Variants in DOK7 observed in about 807,000 individuals in gnomAD.
DOK7 encodes protein Dok-7.
Under a neutral mutation model 30.7 loss-of-function variants are expected in DOK7, and 32 were observed. That is an observed-to-expected ratio of 1.04 (90% confidence interval 0.79 to 1.40). The LOEUF is 1.40. Among genes scored for constraint, DOK7 ranks in the 40% most tolerant of loss-of-function variants. The probability of loss-of-function intolerance (pLI) is 0.00; values close to 1 mark genes in which losing one functional copy is unlikely to be tolerated. For synonymous variants in DOK7, 447 were observed against 324.1 expected (o/e 1.38, Z -4.07); for missense variants, 1,007 against 699.2 (o/e 1.44, Z -4.97).
At chr4:3,468,841 GTA>G (rs1290154299) in intron 2 of DOK7, among the ~76,000 whole-genome samples, 9 of 150,290 alleles carry the variant, frequency 6.0e-5, no homozygotes, top group Admixed American at 2.7e-4. Flanking sequence ...GTGTGTGCGT[GTA>G]TGTGTGTGCG....
intron 6 of DOK7, among the ~76,000 whole-genome samples, chr4:3,491,574 T>C (rs923475917): frequency 2.0e-5 from 3 of 149,394 alleles, no homozygotes; most frequent in African/African-American, 7.4e-5. Context: ...CCTTCACTTA[T>C]GGTTCCACAT....
Position 3,493,764 on chromosome 4 carries a change from C to A in DOK7, c.*263C>A. 1 of 1,398,284 alleles carries A rather than the reference C, an allele frequency of 7.2e-7. No homozygotes were observed. Among genetic ancestry groups the A allele is most frequent in the Non-Finnish European group, 9.3e-7 (1 of 1,079,668 alleles). 86.6% of individuals were successfully genotyped at this position (1,398,284 alleles called of 1,614,324 possible). A position where few individuals can be genotyped will look rare whatever the true frequency, so the allele number is the denominator to read the frequency against. On this transcript the variant is annotated 3_prime_UTR_variant, in exon 7 of 7. Coordinates refer to ENST00000340083, the MANE Select transcript of DOK7 (RefSeq NM_173660.5). Reference sequence around the variant, plus strand: ...AGCCCCAATGCTCAGCTGCTTCACTCCGTGTCCCCCACCCCTGAGGATCAG... The same window carrying A: ...AGCCCCAATGCTCAGCTGCTTCACTACGTGTCCCCCACCCCTGAGGATCAG...
intron 3 of DOK7, among the ~76,000 whole-genome samples, chr4:3,475,593 C>A (rs1727009291): frequency 6.6e-6 from 1 of 152,144 alleles, no homozygotes; most frequent in Admixed American, 6.5e-5. Context: ...TGGGGGTGCT[C>A]AGGGTTTGGG....
intron 4 of DOK7, chr4:3,484,724 G>A (rs1335754049): frequency 1.0e-6 from 1 of 985,550 alleles, no homozygotes; most frequent in Non-Finnish European, 1.2e-6. Context: ...CCAGGATGCT[G>A]CACACGGCCT....
chr4:3,482,554 C>T (rs1294535757), intron 4 of DOK7, among the ~76,000 whole-genome samples: 3 of 152,220 alleles, frequency 2.0e-5, no homozygotes, highest in Admixed American at 6.5e-5. Flanking sequence ...TGGCTGGCTT[C>T]GATTCCAGGG....
At position 3,493,354 on chromosome 4, in the gene DOK7, GGAGGCCCCCCAGGGCAGC is replaced by G. The variant is rs1437354717; in HGVS notation, c.1375_1392del (p.Pro459_Ala464del). 6.9e-6 allele frequency: 11 copies of G among 1,598,530 alleles called. No individual in the cohort carries two copies. The highest frequency in any genetic ancestry group is 9.4e-6 in the Non-Finnish European group (11 of 1,172,954). On this transcript the variant is annotated inframe_deletion, in exon 7 of 7. Coordinates refer to ENST00000340083, the MANE Select transcript of DOK7 (RefSeq NM_173660.5). ...GCACGAGACGGCGGGGCCTGGTGAT[GGAGGCCCCCCAGGGCAGC>G]GAGGCCACACTGCCTGGCCCTGCCC...
At position 3,492,871 on chromosome 4, in the gene DOK7, A is replaced by G. The variant is rs954062880; in HGVS notation, c.885A>G (p.Ser295=). 10 of 1,607,046 alleles carry G rather than the reference A, an allele frequency of 6.2e-6. No individual in the cohort carries two copies. The highest frequency in any genetic ancestry group is 8.5e-6 in the Non-Finnish European group (10 of 1,178,008). Residue 295 remains serine, a synonymous_variant, in exon 7 of 7, where the codon TCA becomes TCG. Coordinates refer to ENST00000340083, the MANE Select transcript of DOK7 (RefSeq NM_173660.5). ...AATCCTCGTCGTCAGCCAGCACGTCACAGGAGGGGCCTAGACCAGCAGCTG... is the reference window on the plus strand; with the variant it reads ...AATCCTCGTCGTCAGCCAGCACGTCGCAGGAGGGGCCTAGACCAGCAGCTG... ...PEQSSSSAST[S]QEGPRPAAAQ... is the part of the protein sequence containing the mutation.
chr4:3,490,519 TCA>T (rs2109398627), intron 6 of DOK7, among the ~76,000 whole-genome samples: 1 of 112,282 alleles, frequency 8.9e-6, no homozygotes. Context: ...ATTCTTTCCT[TCA>T]CCCCCCCGCT....
intron 6 of DOK7, among the ~76,000 whole-genome samples, chr4:3,490,602 CT>C: frequency 3.5e-5 from 1 of 28,626 alleles, no homozygotes; most frequent in East Asian, 7.3e-4. Context: ...TTCATTTCTT[CT>C]CTCCCTGCTC....
At chr4:3,487,313 G>A (rs1232915034) in intron 5 of DOK7, among the ~76,000 whole-genome samples, 1 of 152,244 alleles carries the variant, frequency 6.6e-6, no homozygotes, top group Admixed American at 6.5e-5. Context: ...TTACTGGAGG[G>A]TCTGGGCTGA....
chr4:3,467,983 C>T (rs965089988), intron 2 of DOK7, among the ~76,000 whole-genome samples: 2 of 152,254 alleles, frequency 1.3e-5, no homozygotes, highest in African/African-American at 4.8e-5. Flanking sequence ...GGCCCCACCA[C>T]TAACCCATCG....
intron 2 of DOK7, among the ~76,000 whole-genome samples, chr4:3,473,151 G>A (rs1442394899): frequency 6.6e-6 from 1 of 152,260 alleles, no homozygotes; most frequent in Admixed American, 6.5e-5. Context: ...ACCCAGTCAT[G>A]GGAGCCAGCG....
At chr4:3,496,287 C>T (rs1728907719), downstream of DOK7, among the ~76,000 whole-genome samples, 1 of 149,336 alleles carries the variant, frequency 6.7e-6, no homozygotes, top group Non-Finnish European at 1.5e-5. Flanking sequence ...GAACTTTGCT[C>T]ATCTCATCTG....
chr4:3,497,672 C>A (rs894357485), downstream of DOK7, among the ~76,000 whole-genome samples: 3 of 152,014 alleles, frequency 2.0e-5, no homozygotes, highest in Non-Finnish European at 4.4e-5. Context: ...GGGGCGGGGT[C>A]CAGGCAGGCC....
chr4:3,485,568 G>A lies in DOK7; in HGVS notation c.562G>A (p.Glu188Lys), dbSNP rs1388813398. 32 of 1,606,242 alleles carry A rather than the reference G, an allele frequency of 2.0e-5. No individual in the cohort carries two copies. Among genetic ancestry groups the A allele is most frequent in the Non-Finnish European group, 2.6e-5 (31 of 1,176,034 alleles). Residue 188 changes from glutamate (E) to lysine (K), a missense_variant, in exon 5 of 7, where the codon GAG becomes AAG. Glu to Lys is a moderately conservative substitution (Grantham distance 56). Transcript: ENST00000340083. ...TGGCGTCTTCTTCCTGTCCTCGGCC[G>A]AGGGGGAGCAGATCAGCTTCCTGTT... Reference protein sequence around the residue: ...WAGVFFLSSAEGEQISFLFDC... With the variant: ...WAGVFFLSSAKGEQISFLFDC...
At chr4:3,471,769 T>C (rs1207559587) in intron 2 of DOK7, among the ~76,000 whole-genome samples, 1 of 152,224 alleles carries the variant, frequency 6.6e-6, no homozygotes, top group Non-Finnish European at 1.5e-5. Context: ...CAGGAGATTG[T>C]CTGGAAAGCC....
At chr4:3,491,570 C>T (rs943645703) in intron 6 of DOK7, among the ~76,000 whole-genome samples, 4 of 145,912 alleles carry the variant, frequency 2.7e-5, no homozygotes, top group Non-Finnish European at 6.0e-5. Flanking sequence ...CCTTCCTTCA[C>T]TTATGGTTCC....
intron 3 of DOK7, among the ~76,000 whole-genome samples, 187 bp from the exon 4 acceptor site, chr4:3,476,155 C>T (rs1002357476): frequency 3.4e-5 from 5 of 148,490 alleles, no homozygotes; most frequent in Middle Eastern, 3.5e-3. Flanking sequence ...CCCGCCTGAC[C>T]GTGATGCCCT....
At chr4:3,474,049 TAGAGGGAGGGG>T (rs915064389) in intron 3 of DOK7, among the ~76,000 whole-genome samples, 1 of 149,694 alleles carries the variant, frequency 6.7e-6, no homozygotes, top group Non-Finnish European at 1.5e-5. Flanking sequence ...AGGGAGGGAA[TAGAGGGAGGGG>T]AGAGGGAGGG....
Sources: allele counts gnomAD v4.1 joint callset (sites outside exome capture counted in the v4.1 genomes callset), GRCh38; gene constraint gnomAD v4.1.1; transcripts MANE v1.5; gene names NCBI Gene and HGNC (gene_info 2026-07-23, HGNC 2026-07-21).